The following SLA variants were observed in gnomAD, a reference collection of about 807,000 sequenced individuals.
The protein encoded by SLA is src-like-adapter.
A neutral mutation model predicts 30.3 loss-of-function variants in SLA; 16 were observed. The observed-to-expected ratio is 0.53, with a 90% CI of 0.36 to 0.80. SLA has a LOEUF of 0.80. SLA is among the 30% of genes least tolerant of loss of function. SLA has a pLI of 0.01. For synonymous variants in SLA, 143 were observed against 137.8 expected, an observed-to-expected ratio of 1.04 and a Z score of -0.26; for missense variants, 310 against 345.2, an observed-to-expected ratio of 0.90 and a Z score of 0.81.
Position 133,040,037 on chromosome 8 carries a change from G to T in SLA, c.578C>A (p.Thr193Asn), listed in dbSNP as rs1460194008. The change falls in exon 8 of 9, where the codon ACC becomes AAC. Residue 193 changes from threonine to asparagine, a missense_variant. Transcript: ENST00000338087. Reference protein sequence around the residue: ...PAVRASSSPVTLRQKTVDWRR... With the variant: ...PAVRASSSPVNLRQKTVDWRR... Reference sequence around the variant, plus strand: ...CCAGTCCACAGTCTTCTGACGCAAGGTGACAGGTGAGCTGGAGGCCCTCAC... The same window carrying T: ...CCAGTCCACAGTCTTCTGACGCAAGTTGACAGGTGAGCTGGAGGCCCTCAC... 2 of 1,552,238 alleles carry T rather than the reference G, an allele frequency of 1.3e-6. No homozygotes were observed. The highest frequency in any genetic ancestry group is 2.4e-5 in the East Asian group (1 of 41,006).
At chr8:133,046,060 T>C (rs1011129541) in intron 6 of SLA, among the ~76,000 whole-genome samples, 3 of 152,198 alleles carry the variant, frequency 2.0e-5, no homozygotes, top group African/African-American at 7.2e-5. Context: ...GTTAGAGCAA[T>C]GACCTGATAT....
chr8:133,038,494 T>C lies in SLA; in HGVS notation c.*30A>G, dbSNP rs774291888. On this transcript the variant is annotated 3_prime_UTR_variant, in exon 9 of 9. Transcript: ENST00000338087. ...GCAATAGTTGGAACTTCTGTTCCTT[T>C]TGGGCATGAACCATTGTGTCTGTTC... 2 of 1,524,654 alleles carry C rather than the reference T, an allele frequency of 1.3e-6. No individual in the cohort carries two copies. The highest frequency in any genetic ancestry group is 2.2e-5 in the South Asian group (2 of 89,248). 94.4% of individuals were successfully genotyped at this position (1,524,654 alleles called of 1,614,324 possible). A position where few individuals can be genotyped will look rare whatever the true frequency, so the allele number is the denominator to read the frequency against.
In SLA at chr8:133,044,995, T is replaced by C. The variant is rs1839038915; in HGVS notation, c.473A>G (p.Asn158Ser). The stretch of plus-strand genomic sequence containing the variant: ...TGTATGTCTCTTACCAGAATAGTGG[T>C]TCACCAGGTCCTCCAGGCACTGGAA... ...LTFQCLEDLV[N>S]HYSEVADGLC... Residue 158 changes from asparagine to serine, a missense_variant, in exon 7 of 9, where the codon AAC becomes AGC. Asn to Ser is a conservative substitution (Grantham distance 46). Transcript: ENST00000338087. 1 of 1,614,172 alleles carries C rather than the reference T, an allele frequency of 6.2e-7. No individual in the cohort carries two copies. The highest frequency in any genetic ancestry group is 8.5e-7 in the Non-Finnish European group (1 of 1,179,996).
intron 7 of SLA, among the ~76,000 whole-genome samples, chr8:133,042,294 G>A (rs1010732669): frequency 6.6e-6 from 1 of 152,118 alleles, no homozygotes; most frequent in African/African-American, 2.4e-5. Context: ...TGTCTACATG[G>A]CTCATCAGAA....
chr8:133,056,230 CTAGT>C (rs1179657071), intron 3 of SLA, among the ~76,000 whole-genome samples: 1 of 152,082 alleles, frequency 6.6e-6, no homozygotes, highest in Non-Finnish European at 1.5e-5. Flanking sequence ...ATTTCTTGGG[CTAGT>C]TATATATTTT....
chr8:133,049,230 T>G (rs936222090), intron 5 of SLA: 17 of 438,240 alleles, frequency 3.9e-5, no homozygotes, highest in Admixed American at 1.3e-4. Context: ...TTGAGCCTAG[T>G]TTTCTAAGAT....
chr8:133,076,657 A>G (rs1844911232), intron 1 of SLA: 1 of 152,078 alleles, frequency 6.6e-6, no homozygotes, highest in Admixed American at 6.6e-5. Flanking sequence ...GACACTTACC[A>G]AGAAAGAATC....
intron 3 of SLA, among the ~76,000 whole-genome samples, chr8:133,055,365 G>GCGCA: frequency 1.6e-5 from 1 of 62,276 alleles, no homozygotes; most frequent in South Asian, 4.1e-4. Context: ...ACGCACGCGC[G>GCGCA]CACACACACA....
chr8:133,054,544 G>A (rs943379983), intron 3 of SLA, among the ~76,000 whole-genome samples: 8 of 152,224 alleles, frequency 5.3e-5, no homozygotes, highest in African/African-American at 1.9e-4. Context: ...TTTAGGGCCT[G>A]CCTTAGTAAG....
intron 2 of SLA, among the ~76,000 whole-genome samples, chr8:133,061,499 AAT>A (rs1326056134): frequency 6.6e-6 from 1 of 152,200 alleles, no homozygotes; most frequent in East Asian, 1.9e-4. Context: ...CCTTCATACA[AAT>A]ATTTTGGAAA....
Position 133,074,598 on chromosome 8 carries a change from G to C in SLA, c.-41+255C>G, listed in dbSNP as rs377499073. On this transcript the variant is annotated intron_variant, in intron 2 of 8. Coordinates refer to ENST00000338087, the MANE Select transcript of SLA (RefSeq NM_001045556.3). ...CCTGCTAAGTACAAGCCTTTTTGGC[G>C]AGAATGTCTCCTCTGGCAGCATCCT... is the stretch of plus-strand genomic sequence containing the variant. Among the ~76,000 whole-genome samples the C allele has an allele frequency of 1.4e-4, 21 of 152,282 alleles. 1 individual carries two copies. Among genetic ancestry groups the C allele is most frequent in the African/African-American group, 5.1e-4 (21 of 41,570 alleles).
chr8:133,043,359 A>G (rs1838687960), intron 7 of SLA, among the ~76,000 whole-genome samples: 1 of 152,202 alleles, frequency 6.6e-6, no homozygotes. Context: ...GATGGTTGTT[A>G]TTAAAAGCCA....
At chr8:133,059,212 C>T (rs1166083871) in intron 3 of SLA, 1 of 448,128 alleles carries the variant, frequency 2.2e-6, no homozygotes. Context: ...AATGGGACAC[C>T]AGGCCCCAAA....
chr8:133,074,753 G>T, intron 2 of SLA, 100 bp downstream of exon 2: 2 of 624,720 alleles, frequency 3.2e-6, no homozygotes, highest in Non-Finnish European at 4.0e-6. Context: ...TTCTCAGGGA[G>T]CTCCTTTCTG....
intron 3 of SLA, among the ~76,000 whole-genome samples, chr8:133,051,614 A>G (rs1840423249): frequency 1.3e-5 from 2 of 152,190 alleles, no homozygotes; most frequent in South Asian, 4.1e-4. Flanking sequence ...TATTGAAAGG[A>G]ATTCTGGTGA....
intron 1 of SLA, among the ~76,000 whole-genome samples, chr8:133,079,796 G>A (rs1332422322): frequency 6.6e-6 from 1 of 152,072 alleles, no homozygotes; most frequent in Non-Finnish European, 1.5e-5. Context: ...AATTCATTTG[G>A]TAGAGAAGTT....
intron 3 of SLA, among the ~76,000 whole-genome samples, chr8:133,056,813 C>T (rs1242907051): frequency 3.3e-5 from 5 of 152,156 alleles, no homozygotes; most frequent in African/African-American, 9.7e-5. Flanking sequence ...TCTCATCTCT[C>T]GTTGTGTGTC....
intron 1 of SLA, among the ~76,000 whole-genome samples, chr8:133,093,186 C>G (rs4236898): frequency 6.6e-6 from 1 of 151,018 alleles, no homozygotes; most frequent in African/African-American, 2.4e-5. Flanking sequence ...TTAAAAAAAG[C>G]TGCCCTGCTC....
intron 7 of SLA, among the ~76,000 whole-genome samples, chr8:133,042,746 T>C (rs1017556129): frequency 1.6e-5 from 2 of 126,746 alleles, no homozygotes; most frequent in Non-Finnish European, 3.1e-5. Context: ...CAAGCTGGAG[T>C]ACAGCAGCAC....
Sources: allele counts gnomAD v4.1 joint callset (sites outside exome capture counted in the v4.1 genomes callset), GRCh38; gene constraint gnomAD v4.1.1; transcripts MANE v1.5; gene names NCBI Gene and HGNC (gene_info 2026-07-23, HGNC 2026-07-21).